DPP10: variants seen among roughly 807,000 people sequenced by gnomAD.
DPP10 encodes dipeptidyl peptidase like 10.
In DPP10, 33 loss-of-function variants were observed where a neutral mutation model predicts 120.9. The ratio of observed to expected loss-of-function variants is 0.27; its 90% confidence interval spans 0.21 to 0.37. DPP10 has a LOEUF of 0.37. Among genes scored for constraint, DPP10 ranks in the 10% least tolerant of loss-of-function variants. The pLI, the probability that DPP10 is intolerant of heterozygous loss-of-function variation, is 1.00. For missense variants in DPP10, 816 were observed against 942.8 expected (o/e 0.87, Z 1.76); for synonymous variants, 337 against 326.1 (o/e 1.03, Z -0.36).
intron 1 of DPP10, among the ~76,000 whole-genome samples, chr2:114,868,206 G>A (rs986284444): frequency 6.6e-6 from 1 of 152,142 alleles, no homozygotes; most frequent in African/African-American, 2.4e-5. Context: ...TTGTTACTAA[G>A]ACCATATAGG....
At chr2:115,839,781 A>T (rs1011941137) in intron 24 of DPP10, among the ~76,000 whole-genome samples, 5 of 152,168 alleles carry the variant, frequency 3.3e-5, no homozygotes, top group African/African-American at 1.2e-4. Context: ...CTTCTGCAGA[A>T]AGAGATTTGA....
At chr2:115,206,729 CTATT>C (rs1176652174) in intron 1 of DPP10, among the ~76,000 whole-genome samples, 2 of 152,150 alleles carry the variant, frequency 1.3e-5, no homozygotes, top group Non-Finnish European at 2.9e-5. Flanking sequence ...GTTTACTCCT[CTATT>C]TATTGATGTC....
chr2:114,908,895 A>G (rs1179604760), intron 1 of DPP10, among the ~76,000 whole-genome samples: 1 of 151,804 alleles, frequency 6.6e-6, no homozygotes, highest in Non-Finnish European at 1.5e-5. Context: ...GTCAATTAAT[A>G]TTTTACTGAG....
chr2:115,314,893 C>G (rs1456457747), intron 2 of DPP10, among the ~76,000 whole-genome samples: 1 of 152,006 alleles, frequency 6.6e-6, no homozygotes, highest in African/African-American at 2.4e-5. Context: ...TAGAAGACAG[C>G]ATTTAAGGTA....
At chr2:115,565,617 T>C (rs745627051) in intron 5 of DPP10, among the ~76,000 whole-genome samples, 26 of 152,170 alleles carry the variant, frequency 1.7e-4, no homozygotes, top group Non-Finnish European at 2.9e-5. Flanking sequence ...TTTGTCTTTG[T>C]ACATCTAGAA....
At chr2:114,807,441 T>C (rs931349708) in intron 1 of DPP10, among the ~76,000 whole-genome samples, 13 of 152,190 alleles carry the variant, frequency 8.5e-5, no homozygotes, top group African/African-American at 3.1e-4. Context: ...TTTTGAAATA[T>C]ACAATAAATA....
chr2:114,830,814 G>T lies in DPP10; in HGVS notation c.60+387976G>T, dbSNP rs554812337. 7.2e-5 allele frequency among the ~76,000 whole-genome samples: 11 copies of T among 151,800 alleles called. No individual in the cohort carries two copies. The South Asian group carries it at 2.3e-3, about 32-fold the overall frequency. ...GTAACTTACTCAACTTGTCAAACTG[G>T]AGAGGCAATTGATTTGAGTATTAGG... is the stretch of plus-strand genomic sequence containing the variant. On this transcript the variant is annotated intron_variant, in intron 1 of 25. Coordinates refer to ENST00000410059, the MANE Select transcript of DPP10 (RefSeq NM_020868.6).
intron 1 of DPP10, among the ~76,000 whole-genome samples, chr2:114,548,105 C>T (rs550692067): frequency 6.6e-6 from 1 of 152,274 alleles, no homozygotes; most frequent in South Asian, 2.1e-4. Context: ...CCCAGCTCAC[C>T]TTTAGCAGGG....
At chr2:115,419,470 C>T (rs1452402022) in intron 3 of DPP10, among the ~76,000 whole-genome samples, 1 of 152,074 alleles carries the variant, frequency 6.6e-6, no homozygotes, top group Non-Finnish European at 1.5e-5. Context: ...AACCTGATTT[C>T]TAATGAGCTA....
chr2:114,865,637 A>G (rs748831362), intron 1 of DPP10, among the ~76,000 whole-genome samples: 4 of 152,222 alleles, frequency 2.6e-5, no homozygotes, highest in East Asian at 1.9e-4. Context: ...TAGCGATTCT[A>G]TTTGGCTGGG....
At chr2:115,089,987 A>G (rs1709103021) in intron 1 of DPP10, among the ~76,000 whole-genome samples, 1 of 151,646 alleles carries the variant, frequency 6.6e-6, no homozygotes, top group Non-Finnish European at 1.5e-5. Context: ...ACAGCAACTC[A>G]GTATCTAGTA....
At chr2:115,522,638 G>A (rs2077883646) in intron 4 of DPP10, among the ~76,000 whole-genome samples, 1 of 152,156 alleles carries the variant, frequency 6.6e-6, no homozygotes, top group African/African-American at 2.4e-5. Context: ...TCAACAGAAT[G>A]TACATAGATG....
chr2:115,104,170 CT>C (rs35125894), intron 1 of DPP10, among the ~76,000 whole-genome samples: 226 of 84,638 alleles, frequency 2.7e-3, no homozygotes, highest in East Asian at 0.012. Context: ...ATACATATGT[CT>C]TTTTTTTTTT....
At chr2:115,490,896 T>A (rs1324645396) in intron 3 of DPP10, among the ~76,000 whole-genome samples, 1 of 152,128 alleles carries the variant, frequency 6.6e-6, no homozygotes, top group Non-Finnish European at 1.5e-5. Flanking sequence ...AGATTGTGGA[T>A]CATTTGAGGT....
chr2:114,595,260 G>C (rs551171344), intron 1 of DPP10, among the ~76,000 whole-genome samples: 1 of 152,126 alleles, frequency 6.6e-6, no homozygotes, highest in East Asian at 1.9e-4. Flanking sequence ...TGAAATTGCA[G>C]AAATTAAAAC....
chr2:114,616,722 A>G (rs1296119196), intron 1 of DPP10, among the ~76,000 whole-genome samples: 2 of 152,108 alleles, frequency 1.3e-5, no homozygotes, highest in Admixed American at 6.6e-5. Flanking sequence ...TGATAAAACT[A>G]TTAGGTGAGA....
intron 3 of DPP10, among the ~76,000 whole-genome samples, chr2:115,362,207 G>A (rs61055140): frequency 0.051 from 7,818 of 152,140 alleles, 658 homozygotes; most frequent in African/African-American, 0.18. Flanking sequence ...AATGTCTTTA[G>A]CAAGGAAATT....
chr2:114,874,549 A>G (rs527760673), intron 1 of DPP10, among the ~76,000 whole-genome samples: 1 of 152,196 alleles, frequency 6.6e-6, no homozygotes, highest in South Asian at 2.1e-4. Flanking sequence ...ATCTAGTTGC[A>G]GGAAAACAAG....
intron 1 of DPP10, among the ~76,000 whole-genome samples, chr2:114,626,827 G>A (rs1281335062): frequency 6.6e-6 from 1 of 152,050 alleles, no homozygotes; most frequent in Non-Finnish European, 1.5e-5. Context: ...TGTGATTTAC[G>A]AGTTGGCATT....
Sources: allele counts gnomAD v4.1 joint callset (sites outside exome capture counted in the v4.1 genomes callset), GRCh38; gene constraint gnomAD v4.1.1; transcripts MANE v1.5; gene names NCBI Gene and HGNC (gene_info 2026-07-23, HGNC 2026-07-21).